The following PCOLCE variants were observed in gnomAD, a reference collection of about 807,000 sequenced individuals.
PCOLCE encodes procollagen C-endopeptidase enhancer 1.
PCOLCE carries 33 observed loss-of-function variants against 47.2 expected under a neutral mutation model. That is an observed-to-expected ratio of 0.70 (90% CI 0.53 to 0.93). The LOEUF is 0.93. Among genes scored for constraint, PCOLCE ranks in the 40% least tolerant of loss-of-function variants. The pLI is 0.00. For synonymous variants in PCOLCE, 254 were observed against 252.5 expected, an observed-to-expected ratio of 1.01 and a Z score of -0.06; for missense variants, 584 against 585.3, an observed-to-expected ratio of 1.00 and a Z score of 0.02.
At chr7:100,603,607 A>ACC (rs112882557) in intron 2 of PCOLCE, 69 bp downstream of exon 2, 13 of 544,630 alleles carry the variant, frequency 2.4e-5, no homozygotes, top group Non-Finnish European at 3.5e-5. Context: ...CTGCGAAGGG[A>ACC]CCCCCCCCCC....
rs1802695411 is a variant in PCOLCE, at chr7:100,605,356, T to G, written c.588+141T>G. 2.5e-6 allele frequency: 2 copies of G among 805,292 alleles called. No homozygotes were observed. Among genetic ancestry groups the G allele is most frequent in the Non-Finnish European group, 3.9e-6 (2 of 514,956 alleles). The allele number at this position is 805,292 out of a possible 1,614,324, so 49.9% of individuals were successfully genotyped here. A position where few individuals can be genotyped will look rare whatever the true frequency, so the allele number is the denominator to read the frequency against. On this transcript the variant is annotated intron_variant, in intron 4 of 8. Transcript: ENST00000223061. The surrounding 1 kb of genome is among the most constrained non-coding windows in gnomAD (Gnocchi z 6.1). ...GGGCACCCAAAACAGCCCCAACCCC[T>G]GCATGCACGCAAACAAAAATGTAAA...
In PCOLCE at chr7:100,608,093, C is replaced by G; in HGVS notation, c.1340C>G (p.Ser447Cys). 1 of 1,613,666 alleles carries G rather than the reference C, an allele frequency of 6.2e-7. No individual in the cohort carries two copies. The highest frequency in any genetic ancestry group is 8.5e-7 in the Non-Finnish European group (1 of 1,179,968). The change falls in exon 9 of 9, where the codon TCC becomes TGC. Residue 447 changes from serine to cysteine, a missense_variant. Physicochemically the swap from Ser to Cys is moderately radical, Grantham distance 112 (BLOSUM62 -1). Transcript: ENST00000223061. ...TCTCAACCTGTGCGGGCTGCTGCGT[C>G]CCAGGACTGAGACGCAGGCCAGCCC... ...CPSQPVRAAA[S>C]QD
At position 100,604,934 on chromosome 7, in the gene PCOLCE, G is replaced by A; in HGVS notation, c.464-157G>A. ...GCCGCGCTCCTCCCGGCCGCTCTCT[G>A]TTAACCTGCCCCCATCTTACCTCCC... On this transcript the variant is annotated intron_variant, in intron 3 of 8. Coordinates refer to ENST00000223061, the MANE Select transcript of PCOLCE (RefSeq NM_002593.4). The surrounding 1 kb of genome is among the most constrained non-coding windows in gnomAD (Gnocchi z 6.4). 1 of 578,958 alleles carries A rather than the reference G, an allele frequency of 1.7e-6. No individual in the cohort carries two copies. The highest frequency in any genetic ancestry group is 3.1e-6 in the Non-Finnish European group (1 of 323,742). 35.9% of individuals were successfully genotyped at this position (578,958 alleles called of 1,614,324 possible). A position where few individuals can be genotyped will look rare whatever the true frequency, so the allele number is the denominator to read the frequency against.
rs1230022713 is a variant in PCOLCE, at chr7:100,604,833, G to A, written c.464-258G>A. 1 of 511,962 alleles carries A rather than the reference G, an allele frequency of 2.0e-6. No homozygotes were observed. The highest frequency in any genetic ancestry group is 1.9e-5 in the African/African-American group (1 of 51,286). The allele number at this position is 511,962 out of a possible 1,614,324, so 31.7% of individuals were successfully genotyped here. ...GCGGCCGCGGGTCGGGGAGGGGCCA[G>A]AAGGGGGCGTCCAGCCAGTTCCTCC... On this transcript the variant is annotated intron_variant, in intron 3 of 8. Transcript: ENST00000223061. This position sits in a 1 kb window ranked among gnomAD's most constrained non-coding sequence, Gnocchi z 6.4.
At position 100,607,688 on chromosome 7, in the gene PCOLCE, C is replaced by T. The variant is rs764571033; in HGVS notation, c.1064C>T (p.Ala355Val). 1.2e-5 allele frequency: 20 copies of T among 1,614,110 alleles called. No homozygotes were observed. The highest frequency in any genetic ancestry group is 1.7e-5 in the Non-Finnish European group (20 of 1,180,006). ...GTTCGGGAGCCAGGGGAGGGCCTTGCCGTGACTGTCAGTCTTATTGGTGCT... is the reference window on the plus strand; with the variant it reads ...GTTCGGGAGCCAGGGGAGGGCCTTGTCGTGACTGTCAGTCTTATTGGTGCT... ...SMVREPGEGL[A>V]VTVSLIGAYK... The change falls in exon 8 of 9, where the codon GCC becomes GTC. Residue 355 changes from alanine (A) to valine (V), a missense_variant. By Grantham distance (64) the Ala-to-Val change is moderately conservative. Transcript: ENST00000223061.
chr7:100,604,419 C>A lies in PCOLCE; in HGVS notation c.463+202C>A. The A allele has an allele frequency of 1.6e-6, 1 of 635,492 alleles. No homozygotes were observed. Among genetic ancestry groups the A allele is most frequent in the South Asian group, 1.9e-5 (1 of 53,950 alleles). The allele number at this position is 635,492 out of a possible 1,614,324, so 39.4% of individuals were successfully genotyped here. ...CCCCTCCTCCCGCACCCACCCATCC[C>A]TCTTCCAGGGCCCCCCCCAGGCGCG... On this transcript the variant is annotated intron_variant, in intron 3 of 8. Coordinates refer to ENST00000223061, the MANE Select transcript of PCOLCE (RefSeq NM_002593.4). The surrounding 1 kb of genome is among the most constrained non-coding windows in gnomAD (Gnocchi z 6.4).
intron 5 of PCOLCE, 68 bp from the exon 6 acceptor site, chr7:100,606,348 T>C (rs77575471): frequency 1.8e-6 from 2 of 1,130,776 alleles, no homozygotes; most frequent in East Asian, 4.9e-5. Context: ...AAAAAGGTCA[T>C]GGGGCTGAGA....
chr7:100,602,724 G>T, intron 1 of PCOLCE, 173 bp downstream of exon 1: 1 of 605,528 alleles, frequency 1.7e-6, no homozygotes, highest in Non-Finnish European at 3.0e-6. Context: ...CAAGACCTTG[G>T]TCTCCTGCAG....
Position 100,606,614 on chromosome 7 carries a change from A to G in PCOLCE, c.924A>G (p.Glu308=). Residue 308 remains glutamate (E), a synonymous_variant, in exon 6 of 9, where the codon GAA becomes GAG. Transcript: ENST00000223061. ...CCCAACCTCCGGAGAAAACAGAGGA[A>G]TCTCCTTCAGCCCCTGGTGAGTCTG... is the stretch of plus-strand genomic sequence containing the variant. ...PKSQPPEKTE[E]SPSAPDAPTC... is the part of the protein sequence containing the mutation. 2 of 1,610,452 alleles carry G rather than the reference A, an allele frequency of 1.2e-6. No individual in the cohort carries two copies. The highest frequency in any genetic ancestry group is 1.1e-5 in the South Asian group (1 of 90,878).
rs559072781 is a variant in PCOLCE at position 100,604,096 on chromosome 7, C to T, written c.342C>T (p.Thr114=). The change falls in exon 3 of 9, where the codon ACC becomes ACT. Residue 114 remains threonine (T), a synonymous_variant. Transcript: ENST00000223061. This position sits in a 1 kb window ranked among gnomAD's most constrained non-coding sequence, Gnocchi z 6.4. ...AGCGGCTCGGACGCTTTTGTGGGAC[C>T]TTCCGGCCTGCGCCCCTAGTCGCCC... is the stretch of plus-strand genomic sequence containing the variant. ...SGQRLGRFCG[T]FRPAPLVAPG... 2 of 1,610,414 alleles carry T rather than the reference C, an allele frequency of 1.2e-6. No individual in the cohort carries two copies. Among genetic ancestry groups the T allele is most frequent in the East Asian group, 2.2e-5 (1 of 44,870 alleles).
At chr7:100,606,723 A>G (rs1802724613) in intron 6 of PCOLCE, 93 bp downstream of exon 6, 3 of 953,538 alleles carry the variant, frequency 3.1e-6, no homozygotes, top group South Asian at 3.4e-5. Flanking sequence ...CTGTAATCCC[A>G]GCATTTTGGG....
intron 2 of PCOLCE, 69 bp downstream of exon 2, chr7:100,603,607 A>ACCCCCCCCCCCCCCCCC (rs112882557): frequency 1.4e-4 from 75 of 544,604 alleles, no homozygotes; most frequent in South Asian, 2.8e-4. Context: ...CTGCGAAGGG[A>ACCCCCCCCCCCCCCCCC]CCCCCCCCCC....
rs1418122806 is a variant in PCOLCE at position 100,605,155 on chromosome 7, C to T, written c.528C>T (p.Pro176=). The T allele has an allele frequency of 1.9e-6, 3 of 1,613,134 alleles. No individual in the cohort carries two copies. The highest frequency in any genetic ancestry group is 2.5e-6 in the Non-Finnish European group (3 of 1,179,700). The change falls in exon 4 of 9, where the codon CCC becomes CCT. Residue 176 remains proline (P), a synonymous_variant. Coordinates refer to ENST00000223061, the MANE Select transcript of PCOLCE (RefSeq NM_002593.4). The surrounding 1 kb of genome is among the most constrained non-coding windows in gnomAD (Gnocchi z 6.1). The part of the protein sequence containing the change: ...AQGTLTTPNW[P]ESDYPPGISC... ...GAACCCTGACCACGCCCAACTGGCC[C>T]GAGTCCGATTACCCCCCGGGCATCA...
In PCOLCE at chr7:100,602,445, TC is replaced by T; in HGVS notation, c.-7del. On this transcript the variant is annotated 5_prime_UTR_variant, in exon 1 of 9. Transcript: ENST00000223061. The stretch of plus-strand genomic sequence containing the variant: ...TCTGTCTTGAGGACCCCAGCGCCTT[TC>T]CCCCGGGGCCATGCTGCCTGCAGCC... 2.5e-6 allele frequency: 4 copies of T among 1,587,944 alleles called. No homozygotes were observed. Among genetic ancestry groups the T allele is most frequent in the Non-Finnish European group, 8.6e-7 (1 of 1,158,474 alleles).
chr7:100,606,706 C>G (rs773383359), intron 6 of PCOLCE, 76 bp downstream of exon 6: 2 of 1,123,352 alleles, frequency 1.8e-6, no homozygotes, highest in Non-Finnish European at 2.5e-6. Context: ...TGGGCTGTGG[C>G]TCACACCTGT....
At position 100,604,242 on chromosome 7, in the gene PCOLCE, T is replaced by A. The variant is rs1584440599; in HGVS notation, c.463+25T>A. ...GGTGAGAACTCCCTCACCTCCGCCT[T>A]CCCCCCCTCCAGGCCCCGCCCCGGC... On this transcript the variant is annotated intron_variant, in intron 3 of 8. Coordinates refer to ENST00000223061, the MANE Select transcript of PCOLCE (RefSeq NM_002593.4). This position sits in a 1 kb window ranked among gnomAD's most constrained non-coding sequence, Gnocchi z 6.4. 3 of 1,585,960 alleles carry A rather than the reference T, an allele frequency of 1.9e-6. No homozygotes were observed. Among genetic ancestry groups the A allele is most frequent in the African/African-American group, 2.7e-5 (2 of 73,376 alleles).
chr7:100,604,108 G>A lies in PCOLCE; in HGVS notation c.354G>A (p.Ala118=), dbSNP rs769094078. 2.5e-6 allele frequency: 4 copies of A among 1,611,118 alleles called. No homozygotes were observed. The Admixed American group carries it at 5.0e-5, about 20-fold the overall frequency. ...LGRFCGTFRP[A]PLVAPGNQVT... ...GCTTTTGTGGGACCTTCCGGCCTGC[G>A]CCCCTAGTCGCCCCCGGCAACCAGG... Residue 118 remains alanine, a synonymous_variant, in exon 3 of 9, where the codon GCG becomes GCA. Transcript: ENST00000223061. This position sits in a 1 kb window ranked among gnomAD's most constrained non-coding sequence, Gnocchi z 6.4.
Position 100,605,366 on chromosome 7 carries a change from C to A in PCOLCE, c.588+151C>A. The A allele has an allele frequency of 1.3e-6, 1 of 775,776 alleles. No homozygotes were observed. The highest frequency in any genetic ancestry group is 2.0e-6 in the Non-Finnish European group (1 of 489,578). The allele number at this position is 775,776 out of a possible 1,614,324, so 48.1% of individuals were successfully genotyped here. A position where few individuals can be genotyped will look rare whatever the true frequency, so the allele number is the denominator to read the frequency against. ...AACAGCCCCAACCCCTGCATGCACG[C>A]AAACAAAAATGTAAAAATTACAACT... On this transcript the variant is annotated intron_variant, in intron 4 of 8. Transcript: ENST00000223061. The surrounding 1 kb of genome is among the most constrained non-coding windows in gnomAD (Gnocchi z 6.1).
intron 1 of PCOLCE, 61 bp downstream of exon 1, chr7:100,602,612 G>T: frequency 9.3e-7 from 1 of 1,076,568 alleles, no homozygotes; most frequent in South Asian, 1.2e-5. Flanking sequence ...ATTCCTTTGG[G>T]GTTATGCCTG....
Sources: allele counts gnomAD v4.1 joint callset, GRCh38; gene constraint gnomAD v4.1.1; non-coding constraint Gnocchi (gnomAD v3.1); transcripts MANE v1.5; gene names NCBI Gene and HGNC (gene_info 2026-07-23, HGNC 2026-07-21).